ADARB2: variants seen among roughly 807,000 people sequenced by gnomAD.
ADARB2 encodes the protein adenosine deaminase RNA specific B2 (inactive), also known as inactive double-stranded RNA-specific editase B2.
ADARB2 carries 25 observed loss-of-function variants against 62.2 expected under a neutral mutation model. The ratio of observed to expected loss-of-function variants is 0.40; its 90% CI spans 0.29 to 0.56. ADARB2 has a LOEUF of 0.56. Ranked by LOEUF, ADARB2 falls within the 20% of genes least tolerant of loss-of-function variation. ADARB2 has a pLI of 0.43. For synonymous variants in ADARB2, 572 were observed against 500.8 expected (o/e 1.14, Z -1.90); for missense variants, 1,071 against 1,077.4 (o/e 0.99, Z 0.08).
At chr10:1,662,892 G>A (rs1348724663) in intron 1 of ADARB2, among the ~76,000 whole-genome samples, 3 of 152,176 alleles carry the variant, frequency 2.0e-5, no homozygotes, top group Non-Finnish European at 2.9e-5. Flanking sequence ...TGGTTTCTAC[G>A]GACCAGACAT....
chr10:1,468,320 C>T (rs747070083), intron 1 of ADARB2, among the ~76,000 whole-genome samples: 6 of 152,174 alleles, frequency 3.9e-5, no homozygotes, highest in Non-Finnish European at 7.3e-5. Context: ...TCTGGGAAAG[C>T]AGTCTCCACA....
At chr10:1,270,539 G>T (rs1831251089) in intron 4 of ADARB2, among the ~76,000 whole-genome samples, 1 of 152,204 alleles carries the variant, frequency 6.6e-6, no homozygotes, top group Non-Finnish European at 1.5e-5. Context: ...TTGGCTCTCA[G>T]CATGCCCCTC....
intron 6 of ADARB2, 115 bp downstream of exon 6, chr10:1,233,579 C>T: frequency 1.8e-6 from 2 of 1,139,972 alleles, no homozygotes; most frequent in Non-Finnish European, 2.4e-6. Flanking sequence ...CTTCCAGTAC[C>T]CAAGGGCCCC....
Position 1,634,412 on chromosome 10 carries a change from G to T in ADARB2, c.100+102639C>A, listed in dbSNP as rs1299153648. Among the ~76,000 whole-genome samples the T allele has an allele frequency of 2.0e-5, 3 of 152,288 alleles. No homozygotes were observed. The East Asian group carries it at 5.8e-4, about 29-fold the overall frequency. ...CTCAGAACTGGCTGTTCTCAACGCTGCTCCTTGGAAACGTGGACCCCCAGG... is the reference window on the plus strand; with the variant it reads ...CTCAGAACTGGCTGTTCTCAACGCTTCTCCTTGGAAACGTGGACCCCCAGG... On this transcript the variant is annotated intron_variant, in intron 1 of 9. Transcript: ENST00000381312.
intron 2 of ADARB2, among the ~76,000 whole-genome samples, chr10:1,364,376 A>T (rs1466249741): frequency 6.6e-6 from 1 of 151,902 alleles, no homozygotes; most frequent in African/African-American, 2.4e-5. Flanking sequence ...CTACTTCCTC[A>T]CTCACAGCTA....
intron 4 of ADARB2, among the ~76,000 whole-genome samples, chr10:1,247,015 G>A (rs1830992475): frequency 1.3e-5 from 2 of 152,094 alleles, no homozygotes; most frequent in Non-Finnish European, 2.9e-5. Flanking sequence ...TCATTGAGCA[G>A]TGGTTTGTAG....
rs1483954073 is a variant in ADARB2, at chr10:1,577,705, A to AG, written c.100+159345_100+159346insC. Among the ~76,000 whole-genome samples, 10 of 152,196 alleles carry AG rather than the reference A, an allele frequency of 6.6e-5. No individual in the cohort carries two copies. The East Asian group carries it at 1.9e-3, about 29-fold the overall frequency. Reference sequence around the variant, plus strand: ...CCCCACCATCCCTGCCGCACACGACACACAGGGAGCAGCCCAATGTGCTGC... The same window carrying AG: ...CCCCACCATCCCTGCCGCACACGACAGCACAGGGAGCAGCCCAATGTGCTGC... On this transcript the variant is annotated intron_variant, in intron 1 of 9. Transcript: ENST00000381312.
At chr10:1,400,913 G>T (rs1031871765) in intron 1 of ADARB2, among the ~76,000 whole-genome samples, 2 of 152,150 alleles carry the variant, frequency 1.3e-5, no homozygotes. Context: ...CCTCAGCGAC[G>T]GCTGAGTCAG....
chr10:1,307,678 C>G (rs1458478883), intron 3 of ADARB2, among the ~76,000 whole-genome samples: 3 of 102,476 alleles, frequency 2.9e-5, no homozygotes, highest in Admixed American at 1.1e-4. Context: ...TTGGAACCAA[C>G]CCAAATGTCC....
intron 1 of ADARB2, among the ~76,000 whole-genome samples, chr10:1,523,655 C>G: frequency 6.6e-6 from 1 of 152,108 alleles, no homozygotes; most frequent in Non-Finnish European, 1.5e-5. Flanking sequence ...AATACTGACT[C>G]TTTCCTTATC....
At chr10:1,724,400 A>G (rs1205366444) in intron 1 of ADARB2, among the ~76,000 whole-genome samples, 5 of 152,234 alleles carry the variant, frequency 3.3e-5, no homozygotes, top group African/African-American at 1.2e-4. Flanking sequence ...CTTCTCCCTG[A>G]GAGGTCAGGG....
intron 1 of ADARB2, among the ~76,000 whole-genome samples, chr10:1,576,120 AG>A (rs113357047): frequency 3.5e-5 from 1 of 28,810 alleles, no homozygotes; most frequent in African/African-American, 1.2e-4. Flanking sequence ...GAGTCACAGG[AG>A]GGGGCCCAGG....
At chr10:1,572,101 A>G (rs1318367014) in intron 1 of ADARB2, among the ~76,000 whole-genome samples, 1 of 137,190 alleles carries the variant, frequency 7.3e-6, no homozygotes, top group African/African-American at 2.8e-5. Context: ...GTGAGTGTGC[A>G]GGTGAGTGGA....
At chr10:1,216,695 C>G (rs1252650904) in intron 7 of ADARB2, 1 of 535,784 alleles carries the variant, frequency 1.9e-6, no homozygotes, top group African/African-American at 2.0e-5. Flanking sequence ...CCGGGCCTTG[C>G]TCGGGGCTGT....
At chr10:1,670,255 A>G (rs1410445836) in intron 1 of ADARB2, among the ~76,000 whole-genome samples, 1 of 152,252 alleles carries the variant, frequency 6.6e-6, no homozygotes, top group Non-Finnish European at 1.5e-5. Context: ...TTAAAGAGAT[A>G]GTATTTGGAA....
chr10:1,330,520 G>A (rs1277830916), intron 3 of ADARB2, among the ~76,000 whole-genome samples: 2 of 152,234 alleles, frequency 1.3e-5, no homozygotes, highest in Non-Finnish European at 2.9e-5. Flanking sequence ...TCAACACCAT[G>A]TGAAATGGGG....
At chr10:1,352,134 C>T (rs1832149206) in intron 3 of ADARB2, among the ~76,000 whole-genome samples, 3 of 152,076 alleles carry the variant, frequency 2.0e-5, no homozygotes, top group East Asian at 3.9e-4. Flanking sequence ...CAGTCAAGCC[C>T]AAATTTCTTC....
At chr10:1,662,928 C>A (rs1834268124) in intron 1 of ADARB2, among the ~76,000 whole-genome samples, 2 of 152,210 alleles carry the variant, frequency 1.3e-5, no homozygotes, top group East Asian at 3.8e-4. Context: ...CTGGGAGCAT[C>A]AGCAGAACGC....
At chr10:1,244,096 G>A (rs1302342173) in intron 4 of ADARB2, among the ~76,000 whole-genome samples, 4 of 152,242 alleles carry the variant, frequency 2.6e-5, no homozygotes, top group Admixed American at 6.5e-5. Context: ...CCTAGCGGGG[G>A]TCCCAGAAGT....
Sources: allele counts gnomAD v4.1 joint callset (sites outside exome capture counted in the v4.1 genomes callset), GRCh38; gene constraint gnomAD v4.1.1; transcripts MANE v1.5; gene names NCBI Gene and HGNC (gene_info 2026-07-23, HGNC 2026-07-21).